PRKG1: variants seen among roughly 807,000 people sequenced by gnomAD.
PRKG1 encodes the protein cGMP-dependent protein kinase 1.
In PRKG1, 35 loss-of-function variants were observed where a neutral mutation model predicts 88.1. The observed-to-expected ratio is 0.40, with a 90% CI of 0.30 to 0.53. The LOEUF is 0.53. PRKG1 is among the 20% of genes least tolerant of loss of function. The pLI, the probability that PRKG1 is intolerant of heterozygous loss-of-function variation, is 0.59. For missense variants in PRKG1, 540 were observed against 839.8 expected (o/e 0.64, Z 4.41); for synonymous variants, 303 against 292.5 (o/e 1.04, Z -0.37).
At chr10:51,331,438 G>A (rs1055277725) in intron 2 of PRKG1, among the ~76,000 whole-genome samples, 1 of 152,082 alleles carries the variant, frequency 6.6e-6, no homozygotes, top group African/African-American at 2.4e-5. Context: ...ACAGGTCTGG[G>A]GGTTTCTGTC....
chr10:52,133,799 T>C, intron 7 of PRKG1, 41 bp from the exon 8 acceptor site: 1 of 1,539,074 alleles, frequency 6.5e-7, no homozygotes, highest in Non-Finnish European at 9.0e-7. Context: ...TGCTTTGATA[T>C]TAAAGGTTAT....
chr10:52,116,741 G>A (rs1251844240), intron 7 of PRKG1, among the ~76,000 whole-genome samples: 1 of 151,998 alleles, frequency 6.6e-6, no homozygotes, highest in Admixed American at 6.6e-5. Context: ...TTCATTGAGG[G>A]CTTCAGTATG....
Position 51,988,913 on chromosome 10 carries a change from G to T in PRKG1, c.763-65571G>T, listed in dbSNP as rs560555103. Among the ~76,000 whole-genome samples the T allele has an allele frequency of 1.9e-4, 29 of 151,964 alleles. No individual in the cohort carries two copies. In the South Asian group the frequency reaches 6.0e-3, roughly 32 times the overall value. ...AATTTAAATATAAATCTTTTATGTT[G>T]TTGCCTTTTTTTTCTGTCTTGTTTA... On this transcript the variant is annotated intron_variant, in intron 5 of 17. Transcript: ENST00000373980.
chr10:51,749,414 C>T (rs1376662656), intron 3 of PRKG1, among the ~76,000 whole-genome samples: 9 of 152,120 alleles, frequency 5.9e-5, no homozygotes, highest in African/African-American at 7.2e-5. Flanking sequence ...GCCACCTTCT[C>T]GTTGGATGCT....
intron 2 of PRKG1, among the ~76,000 whole-genome samples, chr10:51,382,713 C>T (rs532521534): frequency 4.7e-4 from 71 of 152,310 alleles, no homozygotes; most frequent in Non-Finnish European, 9.0e-4. Context: ...ACATTTAAAA[C>T]TCCATTGTTA....
chr10:51,307,615 T>A (rs1841071049), intron 2 of PRKG1, among the ~76,000 whole-genome samples: 1 of 152,186 alleles, frequency 6.6e-6, no homozygotes, highest in Non-Finnish European at 1.5e-5. Context: ...TTTATTTAAA[T>A]ATGTAAAGTA....
At chr10:51,453,820 G>T (rs188681132) in intron 2 of PRKG1, among the ~76,000 whole-genome samples, 2 of 151,984 alleles carry the variant, frequency 1.3e-5, no homozygotes, top group Non-Finnish European at 2.9e-5. Flanking sequence ...GTTGTCCATT[G>T]ATGATATGAT....
chr10:52,012,904 A>C (rs1433742411), intron 5 of PRKG1, among the ~76,000 whole-genome samples: 2 of 152,210 alleles, frequency 1.3e-5, no homozygotes, highest in African/African-American at 4.8e-5. Flanking sequence ...CCATGTGGTA[A>C]TTATTATACT....
chr10:51,407,600 T>G (rs1428171834), intron 2 of PRKG1, among the ~76,000 whole-genome samples: 1 of 152,238 alleles, frequency 6.6e-6, no homozygotes, highest in Non-Finnish European at 1.5e-5. Flanking sequence ...CTTCTTCTAC[T>G]ACCCATTCTG....
chr10:51,966,946 A>T (rs1287946597), intron 5 of PRKG1, among the ~76,000 whole-genome samples: 1 of 152,154 alleles, frequency 6.6e-6, no homozygotes. Context: ...AAAGGAACAC[A>T]TTTACACTGT....
chr10:51,631,099 C>T (rs182585444), intron 3 of PRKG1, among the ~76,000 whole-genome samples: 24 of 152,298 alleles, frequency 1.6e-4, no homozygotes, highest in African/African-American at 5.1e-4. Flanking sequence ...GAATGTAAAT[C>T]ACCTGTTGTG....
At chr10:51,980,449 T>C (rs1315796732) in intron 5 of PRKG1, among the ~76,000 whole-genome samples, 1 of 152,202 alleles carries the variant, frequency 6.6e-6, no homozygotes, top group African/African-American at 2.4e-5. Context: ...GAAGAATGTA[T>C]AGTCTGTTAT....
At chr10:51,186,978 ATATATG>A (rs1330819320) in intron 2 of PRKG1, among the ~76,000 whole-genome samples, 7 of 121,184 alleles carry the variant, frequency 5.8e-5, no homozygotes, top group African/African-American at 1.4e-4. Context: ...ATATATATAT[ATATATG>A]TATATATATA....
At chr10:51,208,366 T>C (rs951649880) in intron 2 of PRKG1, among the ~76,000 whole-genome samples, 4 of 152,198 alleles carry the variant, frequency 2.6e-5, no homozygotes, top group Admixed American at 2.0e-4. Context: ...ACCAGGATAC[T>C]ACTAAGGAAG....
Position 51,698,890 on chromosome 10 carries a change from CCCAGGGCCAGGGCCAGGG to C in PRKG1, c.593-105684_593-105667del, listed in dbSNP as rs575311852. 102 of 1,613,816 alleles carry C rather than the reference CCCAGGGCCAGGGCCAGGG, an allele frequency of 6.3e-5. 1 individual carries two copies. The Admixed American group carries it at 8.3e-4, about 13-fold the overall frequency. Reference sequence around the variant, plus strand: ...GCAGAACATTAGGTCCTGGGCAGAGCCCAGGGCCAGGGCCAGGGCCAGGGCCAGAGACAGACACAGACT... The same window carrying C: ...GCAGAACATTAGGTCCTGGGCAGAGCCCAGGGCCAGAGACAGACACAGACT... On this transcript the variant is annotated intron_variant, in intron 3 of 17. Coordinates refer to ENST00000373980, the MANE Select transcript of PRKG1 (RefSeq NM_006258.4).
At chr10:51,238,432 A>G (rs1345638719) in intron 2 of PRKG1, among the ~76,000 whole-genome samples, 1 of 152,128 alleles carries the variant, frequency 6.6e-6, no homozygotes, top group Non-Finnish European at 1.5e-5. Context: ...AGTACAAAAC[A>G]ATTAGCTGGG....
chr10:51,854,383 T>A (rs1320808253), intron 4 of PRKG1, among the ~76,000 whole-genome samples: 1 of 152,136 alleles, frequency 6.6e-6, no homozygotes, highest in East Asian at 1.9e-4. Flanking sequence ...CAGGGCAATA[T>A]TTGTCTGTCA....
intron 2 of PRKG1, among the ~76,000 whole-genome samples, chr10:51,206,677 G>C (rs1472148962): frequency 6.6e-6 from 1 of 152,170 alleles, no homozygotes; most frequent in Non-Finnish European, 1.5e-5. Context: ...TTGGGAAATA[G>C]AGATATTGAT....
At chr10:52,269,558 A>G (rs913011553) in intron 10 of PRKG1, among the ~76,000 whole-genome samples, 3 of 152,218 alleles carry the variant, frequency 2.0e-5, no homozygotes, top group East Asian at 3.9e-4. Context: ...GTGTGCAGGA[A>G]CAAGACACTT....
Sources: gnomAD v4.1 joint callset for allele counts (sites outside exome capture counted in the v4.1 genomes callset) on GRCh38, gnomAD v4.1.1 for gene constraint, MANE v1.5 for transcripts, NCBI Gene and HGNC (gene_info 2026-07-23, HGNC 2026-07-21) for gene names.